Variants in KALRN observed in about 807,000 individuals in gnomAD.
The protein encoded by KALRN is kalirin.
KALRN carries 70 observed loss-of-function variants against 353.7 expected under a neutral mutation model. The observed-to-expected ratio is 0.20, with a 90% CI of 0.16 to 0.24. The LOEUF (loss-of-function observed/expected upper bound fraction) is 0.24. KALRN is among the 10% of genes least tolerant of loss of function. The pLI, the probability that KALRN is intolerant of heterozygous loss-of-function variation, is 1.00. For synonymous variants in KALRN, 1,391 were observed against 1,434.8 expected (o/e 0.97, Z 0.69); for missense variants, 2,791 against 3,756.7 (o/e 0.74, Z 6.72).
At chr3:124,220,532 A>C (rs2077784365) in intron 1 of KALRN, among the ~76,000 whole-genome samples, 1 of 152,136 alleles carries the variant, frequency 6.6e-6, no homozygotes, top group African/African-American at 2.4e-5. Context: ...AGGGGATGAA[A>C]GAAGGGAGAA....
At chr3:124,570,673 G>A (rs1229581207) in intron 34 of KALRN, among the ~76,000 whole-genome samples, 1 of 152,184 alleles carries the variant, frequency 6.6e-6, no homozygotes, top group Non-Finnish European at 1.5e-5. Flanking sequence ...AGAAAAGTAT[G>A]TTTAAAGATA....
At chr3:124,542,104 C>G (rs1369110381) in intron 33 of KALRN, among the ~76,000 whole-genome samples, 1 of 152,190 alleles carries the variant, frequency 6.6e-6, no homozygotes, top group Admixed American at 6.5e-5. Context: ...TGCCTCAGGC[C>G]TGCCTTGTCA....
chr3:124,612,153 T>C (rs333326), intron 34 of KALRN, among the ~76,000 whole-genome samples: 61,458 of 151,622 alleles, frequency 0.41, 15,103 homozygotes, highest in African/African-American at 0.69. Flanking sequence ...GCCTCCCAAG[T>C]AGCTGGGATT....
chr3:124,561,214 G>A (rs544494776), intron 33 of KALRN, among the ~76,000 whole-genome samples: 1 of 152,308 alleles, frequency 6.6e-6, no homozygotes, highest in East Asian at 1.9e-4. Flanking sequence ...AAGGAGGATA[G>A]CACCAGGAGA....
intron 1 of KALRN, among the ~76,000 whole-genome samples, chr3:124,045,296 G>C (rs1037075619): frequency 6.6e-6 from 1 of 152,146 alleles, no homozygotes; most frequent in African/African-American, 2.4e-5. Flanking sequence ...GGAAAAGATT[G>C]GTAGGACTCC....
chr3:124,511,146 C>T (rs1467266413), intron 33 of KALRN, among the ~76,000 whole-genome samples: 1 of 152,010 alleles, frequency 6.6e-6, no homozygotes, highest in Admixed American at 6.5e-5. Context: ...CCTAGTCAAA[C>T]ATTATTCTTT....
chr3:124,207,301 CA>C (rs2076497662), intron 1 of KALRN, among the ~76,000 whole-genome samples: 1 of 152,146 alleles, frequency 6.6e-6, no homozygotes, highest in Admixed American at 6.5e-5. Context: ...AAGGGATGGG[CA>C]AGGCCCTAAA....
chr3:124,519,922 C>G (rs2067019249), intron 33 of KALRN: 2 of 968,970 alleles, frequency 2.1e-6, no homozygotes, highest in African/African-American at 3.5e-5. Context: ...TGCCAAGAAC[C>G]CTTCCCATCC....
At chr3:124,371,671 G>A (rs554117826) in intron 10 of KALRN, among the ~76,000 whole-genome samples, 4 of 151,926 alleles carry the variant, frequency 2.6e-5, no homozygotes, top group African/African-American at 7.3e-5. Flanking sequence ...TTTTTTGTGG[G>A]TACATATTGG....
intron 1 of KALRN, among the ~76,000 whole-genome samples, chr3:124,154,462 G>C (rs557394328): frequency 2.5e-4 from 38 of 152,060 alleles, no homozygotes; most frequent in African/African-American, 7.7e-4. Context: ...TCTTATACAC[G>C]AATAACAGAC....
intron 49 of KALRN, 112 bp from the exon 50 acceptor site, chr3:124,678,078 C>T: frequency 2.5e-6 from 3 of 1,197,772 alleles, no homozygotes; most frequent in Admixed American, 3.6e-5. Context: ...CCTCTGAAGC[C>T]CGGGCTTGAT....
chr3:124,488,381 G>A, intron 29 of KALRN, 66 bp downstream of exon 29: 2 of 1,053,828 alleles, frequency 1.9e-6, no homozygotes, highest in Non-Finnish European at 3.0e-6. Flanking sequence ...TTGTATCATG[G>A]GAGGGAAGTG....
intron 13 of KALRN, among the ~76,000 whole-genome samples, chr3:124,412,607 A>G (rs1333293370): frequency 6.6e-6 from 1 of 152,234 alleles, no homozygotes; most frequent in East Asian, 1.9e-4. Flanking sequence ...GATTTGCAGA[A>G]AACTGAGAGT....
chr3:124,045,755 G>C (rs79100599), intron 1 of KALRN, among the ~76,000 whole-genome samples: 2 of 151,532 alleles, frequency 1.3e-5, no homozygotes, highest in East Asian at 2.0e-4. Flanking sequence ...CTAATGGGGG[G>C]GGGGGGGTTG....
chr3:124,438,676 AGAT>A (rs3217551), intron 17 of KALRN, among the ~76,000 whole-genome samples: 18,665 of 151,870 alleles, frequency 0.12, 1,856 homozygotes, highest in East Asian at 0.49. Context: ...TCCCATAAAA[AGAT>A]GATTCCAAAA....
At chr3:124,584,739 G>T in intron 34 of KALRN, 6 of 1,514,662 alleles carry the variant, frequency 4.0e-6, no homozygotes, top group Non-Finnish European at 5.3e-6. Flanking sequence ...CTCGGGCGGC[G>T]GCGCTGAAGT....
chr3:124,626,899 T>G (rs1447326216), intron 34 of KALRN, among the ~76,000 whole-genome samples: 1 of 152,230 alleles, frequency 6.6e-6, no homozygotes, highest in Admixed American at 6.5e-5. Flanking sequence ...ACTATGAGCC[T>G]CAGTTTCCTA....
chr3:124,372,818 C>T (rs1024027152), intron 10 of KALRN, among the ~76,000 whole-genome samples: 25 of 151,918 alleles, frequency 1.6e-4, no homozygotes. Flanking sequence ...GATCACTGTC[C>T]TAAGTTCTGA....
chr3:124,207,569 G>A (rs1482318133), intron 1 of KALRN, among the ~76,000 whole-genome samples: 1 of 152,188 alleles, frequency 6.6e-6, no homozygotes, highest in African/African-American at 2.4e-5. Context: ...AGATGAGACA[G>A]ATCTATATGT....
Sources: allele counts gnomAD v4.1 joint callset (sites outside exome capture counted in the v4.1 genomes callset), GRCh38; gene constraint gnomAD v4.1.1; transcripts MANE v1.5; gene names NCBI Gene and HGNC (gene_info 2026-07-23, HGNC 2026-07-21).